The following BRINP3 variants were observed in gnomAD, a reference collection of about 807,000 sequenced individuals.
The protein encoded by BRINP3 is BMP/retinoic acid-inducible neural-specific protein 3.
Under a neutral mutation model 71.0 loss-of-function variants are expected in BRINP3, and 19 were observed. The observed-to-expected ratio is 0.27, with a 90% CI of 0.19 to 0.39. The LOEUF is 0.39. Among genes scored for constraint, BRINP3 ranks in the 10% least tolerant of loss-of-function variants. The pLI is 1.00. For synonymous variants in BRINP3, 380 were observed against 337.7 expected (o/e 1.13, Z -1.37); for missense variants, 959 against 940.8 (o/e 1.02, Z -0.25).
At chr1:190,110,372 A>C (rs1044415251) in intron 7 of BRINP3, among the ~76,000 whole-genome samples, 1 of 152,210 alleles carries the variant, frequency 6.6e-6, no homozygotes, top group Non-Finnish European at 1.5e-5. Context: ...CTAGGTAATT[A>C]TAATCTCACA....
intron 2 of BRINP3, among the ~76,000 whole-genome samples, chr1:190,429,257 C>T (rs1324085503): frequency 6.6e-6 from 1 of 152,076 alleles, no homozygotes; most frequent in Non-Finnish European, 1.5e-5. Flanking sequence ...GGCATATGTG[C>T]AAAGATACTC....
At chr1:190,157,161 C>G (rs1481086878) in intron 7 of BRINP3, among the ~76,000 whole-genome samples, 1 of 151,878 alleles carries the variant, frequency 6.6e-6, no homozygotes, top group African/African-American at 2.4e-5. Context: ...TACTCAAGAC[C>G]CACAGTAAGC....
intron 2 of BRINP3, among the ~76,000 whole-genome samples, chr1:190,398,780 A>G (rs1571950249): frequency 6.6e-6 from 1 of 152,032 alleles, no homozygotes; most frequent in South Asian, 2.1e-4. Flanking sequence ...AAGTGAGGAA[A>G]TTGGGATAAT....
intron 4 of BRINP3, among the ~76,000 whole-genome samples, chr1:190,253,019 C>A (rs1571517791): frequency 6.6e-6 from 1 of 151,828 alleles, no homozygotes; most frequent in African/African-American, 2.4e-5. Context: ...CCTATGAGAA[C>A]ATATGGTGTT....
rs367620555 is a variant in BRINP3, at chr1:190,475,027, C to A, written c.-51+2421G>T. Among the ~76,000 whole-genome samples the A allele has an allele frequency of 4.0e-5, 6 of 151,332 alleles. 1 individual carries two copies. In the East Asian group the frequency reaches 1.2e-3, roughly 30 times the overall value. The stretch of plus-strand genomic sequence containing the variant: ...CCAAACCCTCACTCTTTGCTTTTAA[C>A]TTCAACCTTATATTCCAAGCTCTAG... On this transcript the variant is annotated intron_variant, in intron 1 of 7. Transcript: ENST00000367462.
intron 2 of BRINP3, among the ~76,000 whole-genome samples, chr1:190,313,290 T>A (rs1015074125): frequency 1.3e-5 from 2 of 151,916 alleles, no homozygotes; most frequent in African/African-American, 4.8e-5. Flanking sequence ...ATGCCTTTTT[T>A]TTGATGCATG....
chr1:190,172,518 T>G (rs1482290330), intron 6 of BRINP3, among the ~76,000 whole-genome samples: 3 of 152,116 alleles, frequency 2.0e-5, no homozygotes, highest in African/African-American at 7.2e-5. Flanking sequence ...CATGTTTAGT[T>G]TATTGATTCC....
chr1:190,244,093 A>G (rs562804664), intron 4 of BRINP3, among the ~76,000 whole-genome samples: 4 of 152,052 alleles, frequency 2.6e-5, no homozygotes, highest in African/African-American at 4.8e-5. Flanking sequence ...ATATTAATAG[A>G]AATAAAGTGC....
At chr1:190,225,858 C>T (rs948587552) in intron 6 of BRINP3, among the ~76,000 whole-genome samples, 2 of 151,890 alleles carry the variant, frequency 1.3e-5, no homozygotes, top group Non-Finnish European at 2.9e-5. Context: ...GTGACTAATA[C>T]ATCAACTTAG....
intron 7 of BRINP3, 64 bp from the exon 8 acceptor site, chr1:190,099,198 C>G: frequency 6.8e-7 from 1 of 1,464,072 alleles, no homozygotes; most frequent in South Asian, 1.3e-5. Context: ...TGCAGTAAAC[C>G]GTAGCTCAGA....
intron 2 of BRINP3, among the ~76,000 whole-genome samples, chr1:190,449,380 T>C (rs1000358902): frequency 6.6e-6 from 1 of 152,036 alleles, no homozygotes; most frequent in South Asian, 2.1e-4. Flanking sequence ...TGTATGTGTA[T>C]ATCAGGGAAA....
At chr1:190,246,197 T>A (rs1462278396) in intron 4 of BRINP3, among the ~76,000 whole-genome samples, 1 of 152,066 alleles carries the variant, frequency 6.6e-6, no homozygotes, top group Non-Finnish European at 1.5e-5. Flanking sequence ...ACAACTGCAA[T>A]TTTTGTGTTC....
At chr1:190,428,306 G>A (rs75240620) in intron 2 of BRINP3, among the ~76,000 whole-genome samples, 1 of 151,838 alleles carries the variant, frequency 6.6e-6, no homozygotes, top group East Asian at 1.9e-4. Context: ...AGCAACAATA[G>A]AAAACTAATT....
At chr1:190,279,408 T>G (rs1356225169) in intron 3 of BRINP3, among the ~76,000 whole-genome samples, 1 of 151,806 alleles carries the variant, frequency 6.6e-6, no homozygotes, top group African/African-American at 2.4e-5. Flanking sequence ...ATCACATAGG[T>G]GTTATTCTCC....
intron 2 of BRINP3, among the ~76,000 whole-genome samples, chr1:190,385,764 A>G (rs1407521549): frequency 1.3e-5 from 2 of 152,068 alleles, no homozygotes; most frequent in Admixed American, 1.3e-4. Context: ...TCATGCTGGT[A>G]TAAAGACACA....
intron 2 of BRINP3, among the ~76,000 whole-genome samples, chr1:190,375,452 A>C (rs886549111): frequency 6.6e-6 from 1 of 151,994 alleles, no homozygotes; most frequent in African/African-American, 2.4e-5. Context: ...ATAAAAATAT[A>C]TGTTTATCCC....
At chr1:190,265,106 T>C in intron 3 of BRINP3, 51 bp from the exon 4 acceptor site, 1 of 1,513,686 alleles carries the variant, frequency 6.6e-7, no homozygotes, top group South Asian at 1.2e-5. Context: ...AAATCTTTTT[T>C]TTTAACTTAT....
chr1:190,283,124 A>T (rs1663167260), intron 2 of BRINP3, among the ~76,000 whole-genome samples: 1 of 152,030 alleles, frequency 6.6e-6, no homozygotes, highest in Non-Finnish European at 1.5e-5. Context: ...TATGATCAGA[A>T]TCACTTTTGA....
intron 4 of BRINP3, among the ~76,000 whole-genome samples, chr1:190,250,889 C>A (rs1050726129): frequency 2.6e-5 from 4 of 151,800 alleles, no homozygotes; most frequent in African/African-American, 7.3e-5. Context: ...AGTTTTAATA[C>A]AGGATTCTTG....
Sources: allele counts gnomAD v4.1 joint callset (sites outside exome capture counted in the v4.1 genomes callset), GRCh38; gene constraint gnomAD v4.1.1; transcripts MANE v1.5; gene names NCBI Gene and HGNC (gene_info 2026-07-23, HGNC 2026-07-21).